The following GLRA3 variants were observed in gnomAD, a reference collection of about 807,000 sequenced individuals.
The protein encoded by GLRA3 is glycine receptor alpha 3, also known as glycine receptor subunit alpha-3.
GLRA3 carries 44 observed loss-of-function variants against 60.4 expected under a neutral mutation model. The ratio of observed to expected loss-of-function variants is 0.73; its 90% confidence interval spans 0.57 to 0.94. GLRA3 has a LOEUF of 0.94. Among genes scored for constraint, GLRA3 ranks in the 40% least tolerant of loss-of-function variants. The probability of loss-of-function intolerance (pLI) is 0.00; values close to 1 mark genes in which losing one functional copy is unlikely to be tolerated. For synonymous variants in GLRA3, 223 were observed against 192.9 expected, an observed-to-expected ratio of 1.16 and a Z score of -1.29; for missense variants, 508 against 564.6, an observed-to-expected ratio of 0.90 and a Z score of 1.02.
chr4:174,724,490 A>G (rs1736247488), intron 4 of GLRA3, among the ~76,000 whole-genome samples: 1 of 152,044 alleles, frequency 6.6e-6, no homozygotes, highest in Admixed American at 6.5e-5. Flanking sequence ...AAGTTATCTC[A>G]TTTGTTTCTT....
intron 4 of GLRA3, among the ~76,000 whole-genome samples, chr4:174,727,543 G>C (rs1253276961): frequency 2.0e-5 from 3 of 152,116 alleles, no homozygotes; most frequent in Admixed American, 2.0e-4. Context: ...CATGAATTCT[G>C]TTCTTACGTC....
intron 1 of GLRA3, among the ~76,000 whole-genome samples, chr4:174,793,419 CATTCATTTATTTATTTATTT>C (rs1418813373): frequency 1.0e-4 from 9 of 89,764 alleles, no homozygotes; most frequent in African/African-American, 4.6e-4. Context: ...TCAAAATTTA[CATTCATTTATTTATTTATTT>C]ATTTATTTAT....
Position 174,716,308 on chromosome 4 carries a change from C to A in GLRA3, c.492-738G>T, listed in dbSNP as rs144223743. Among the ~76,000 whole-genome samples, 162 of 152,312 alleles carry A rather than the reference C, an allele frequency of 1.1e-3. 1 individual carries two copies. The highest frequency in any genetic ancestry group is 2.0e-3 in the Non-Finnish European group (134 of 68,022). ...AACAAACTTCTGATTTGGCTTCACACAAAGGATAACCTAGATGCTGTATAC... is the reference window on the plus strand; with the variant it reads ...AACAAACTTCTGATTTGGCTTCACAAAAAGGATAACCTAGATGCTGTATAC... On this transcript the variant is annotated intron_variant, in intron 4 of 9. Coordinates refer to ENST00000274093, the MANE Select transcript of GLRA3 (RefSeq NM_006529.4).
chr4:174,774,354 GTGTGTGTGTA>G (rs1738509261), intron 2 of GLRA3, among the ~76,000 whole-genome samples: 1 of 144,890 alleles, frequency 6.9e-6, no homozygotes, highest in Admixed American at 7.1e-5. Context: ...GTAAATGTAT[GTGTGTGTGTA>G]TGTGTGTGTG....
At position 174,643,221 on chromosome 4, in the gene GLRA3, T is replaced by TA; in HGVS notation, c.*564dup. ...AATTAAATTTAGTATTCCAAATCATTAAAGTCTTTTAATGCTCTTATTTAA... is the reference window on the plus strand; with the variant it reads ...AATTAAATTTAGTATTCCAAATCATTAAAAGTCTTTTAATGCTCTTATTTAA... On this transcript the variant is annotated 3_prime_UTR_variant, in exon 10 of 10. Coordinates refer to ENST00000274093, the MANE Select transcript of GLRA3 (RefSeq NM_006529.4). 1 of 720,862 alleles carries TA rather than the reference T, an allele frequency of 1.4e-6. No individual in the cohort carries two copies. Among genetic ancestry groups the TA allele is most frequent in the Non-Finnish European group, 1.7e-6 (1 of 589,676 alleles). The allele number at this position is 720,862 out of a possible 1,614,324, so 44.7% of individuals were successfully genotyped here. A position where few individuals can be genotyped will look rare whatever the true frequency, so the allele number is the denominator to read the frequency against.
rs113322994 is a variant in GLRA3 at position 174,704,948 on chromosome 4, G to A, written c.574+10540C>T. Among the ~76,000 whole-genome samples, 142 of 143,084 alleles carry A rather than the reference G, an allele frequency of 9.9e-4. 19 individuals carry two copies. The highest frequency in any genetic ancestry group is 3.4e-3 in the African/African-American group (134 of 39,722). 93.9% of individuals were successfully genotyped at this position (143,084 alleles called of 152,430 possible). ...TCAGTGGCAAGAGGAAGGGGGAAAT[G>A]GAGAGTTGTTTAATGAATGTAGAGT... is the stretch of plus-strand genomic sequence containing the variant. On this transcript the variant is annotated intron_variant, in intron 5 of 9. Transcript: ENST00000274093.
At chr4:174,683,829 C>G (rs1045955847) in intron 5 of GLRA3, among the ~76,000 whole-genome samples, 8 of 151,770 alleles carry the variant, frequency 5.3e-5, no homozygotes, top group Non-Finnish European at 1.0e-4. Flanking sequence ...ATCTACAAAG[C>G]AAAAATGGAG....
At chr4:174,666,568 G>A (rs1733670817) in intron 7 of GLRA3, among the ~76,000 whole-genome samples, 1 of 151,656 alleles carries the variant, frequency 6.6e-6, no homozygotes, top group Non-Finnish European at 1.5e-5. Flanking sequence ...TTATTGCAAG[G>A]ACTAGTCTTT....
intron 3 of GLRA3, among the ~76,000 whole-genome samples, chr4:174,736,275 A>C (rs915395038): frequency 1.3e-5 from 2 of 152,158 alleles, no homozygotes; most frequent in African/African-American, 4.8e-5. Context: ...AAAGATGATA[A>C]ATTTAAATTT....
intron 5 of GLRA3, among the ~76,000 whole-genome samples, chr4:174,695,584 T>C (rs951232142): frequency 6.6e-6 from 1 of 152,002 alleles, no homozygotes; most frequent in Non-Finnish European, 1.5e-5. Context: ...TGAAGGAAAA[T>C]ACCTCAAAGT....
At chr4:174,689,756 TAAAAAA>T (rs553306775) in intron 5 of GLRA3, among the ~76,000 whole-genome samples, 111 of 39,524 alleles carry the variant, frequency 2.8e-3, no homozygotes, top group Middle Eastern at 0.028. Flanking sequence ...TAAGTCGCAT[TAAAAAA>T]AAAAAAAAAA....
At chr4:174,667,336 A>C (rs907368181) in intron 7 of GLRA3, among the ~76,000 whole-genome samples, 2 of 152,158 alleles carry the variant, frequency 1.3e-5, no homozygotes, top group Non-Finnish European at 2.9e-5. Context: ...TGTCCTTCTG[A>C]AACAAGAATC....
intron 7 of GLRA3, among the ~76,000 whole-genome samples, chr4:174,673,995 T>A (rs529365261): frequency 6.6e-6 from 1 of 152,244 alleles, no homozygotes; most frequent in East Asian, 1.9e-4. Flanking sequence ...TTCAGAAACA[T>A]TTACTTCTTT....
intron 5 of GLRA3, among the ~76,000 whole-genome samples, chr4:174,711,185 T>C (rs1488516952): frequency 3.3e-5 from 5 of 151,770 alleles, no homozygotes; most frequent in Admixed American, 2.0e-4. Flanking sequence ...TTTTATAACA[T>C]GTTGATTCAT....
chr4:174,678,146 T>C (rs189685555), intron 6 of GLRA3, among the ~76,000 whole-genome samples: 1 of 152,174 alleles, frequency 6.6e-6, no homozygotes, highest in African/African-American at 2.4e-5. Context: ...AAAAACACAC[T>C]AAAAACAAAG....
intron 4 of GLRA3, among the ~76,000 whole-genome samples, chr4:174,720,755 G>A (rs4594702): frequency 0.17 from 26,531 of 152,008 alleles, 2,502 homozygotes; most frequent in East Asian, 0.32. Context: ...CAAAGTCAGT[G>A]GTAGAGAGTT....
chr4:174,801,201 C>T (rs561814333), intron 1 of GLRA3, among the ~76,000 whole-genome samples: 1 of 152,216 alleles, frequency 6.6e-6, no homozygotes, highest in Non-Finnish European at 1.5e-5. Flanking sequence ...CAGCCTCTTT[C>T]ACCACTCCAT....
At chr4:174,675,715 T>C (rs1315621786) in intron 7 of GLRA3, among the ~76,000 whole-genome samples, 1 of 152,172 alleles carries the variant, frequency 6.6e-6, no homozygotes, top group Non-Finnish European at 1.5e-5. Context: ...AAACACTAGT[T>C]GATGCGAACA....
chr4:174,677,584 T>A (rs1335992374), intron 6 of GLRA3, among the ~76,000 whole-genome samples: 1 of 151,812 alleles, frequency 6.6e-6, no homozygotes, highest in African/African-American at 2.4e-5. Context: ...GGTGTCGAAT[T>A]CCTGACCTCA....
Sources: gnomAD v4.1 joint callset for allele counts (sites outside exome capture counted in the v4.1 genomes callset) on GRCh38, gnomAD v4.1.1 for gene constraint, MANE v1.5 for transcripts, NCBI Gene and HGNC (gene_info 2026-07-23, HGNC 2026-07-21) for gene names.